AGBL1: variants seen among roughly 807,000 people sequenced by gnomAD.
AGBL1 encodes the protein AGBL carboxypeptidase 1.
AGBL1 carries 130 observed loss-of-function variants against 118.9 expected under a neutral mutation model. The observed-to-expected ratio is 1.09, with a 90% CI of 0.95 to 1.26. The LOEUF (loss-of-function observed/expected upper bound fraction) is 1.26. Among genes scored for constraint, AGBL1 ranks in the 50% most tolerant of loss-of-function variants. The pLI is 0.00. For missense variants in AGBL1, 1,584 were observed against 1,298.1 expected (o/e 1.22, Z -3.38); for synonymous variants, 555 against 478.9 (o/e 1.16, Z -2.08).
At chr15:86,981,740 C>T (rs1175354770) in intron 23 of AGBL1, among the ~76,000 whole-genome samples, 7 of 152,076 alleles carry the variant, frequency 4.6e-5, no homozygotes, top group Non-Finnish European at 1.0e-4. Context: ...AATATCTCCC[C>T]GTTAAGCCAG....
intron 21 of AGBL1, among the ~76,000 whole-genome samples, chr15:86,634,072 G>T (rs1252706930): frequency 6.6e-6 from 1 of 151,972 alleles, no homozygotes. Flanking sequence ...GCTAGTATTG[G>T]CAAGGACGTG....
At chr15:86,926,855 C>T (rs755308219) in intron 23 of AGBL1, among the ~76,000 whole-genome samples, 2 of 152,156 alleles carry the variant, frequency 1.3e-5, no homozygotes, top group Non-Finnish European at 2.9e-5. Context: ...AAAATCTCCA[C>T]TCAGGCCAGG....
chr15:86,745,428 A>C (rs887758135), intron 22 of AGBL1, among the ~76,000 whole-genome samples: 2 of 152,032 alleles, frequency 1.3e-5, no homozygotes, highest in Non-Finnish European at 2.9e-5. Flanking sequence ...TTAAACATGC[A>C]TCTATGCCAC....
chr15:86,552,720 T>A (rs1439838008), intron 20 of AGBL1, among the ~76,000 whole-genome samples: 1 of 152,110 alleles, frequency 6.6e-6, no homozygotes, highest in Non-Finnish European at 1.5e-5. Flanking sequence ...GTAATTGTAA[T>A]GAGCACTTTG....
intron 22 of AGBL1, among the ~76,000 whole-genome samples, chr15:86,739,481 A>G (rs558455409): frequency 1.1e-4 from 16 of 151,454 alleles, no homozygotes; most frequent in South Asian, 6.2e-4. Context: ...AGAGAAAAAA[A>G]AATTTTTCAC....
chr15:86,102,897 C>T (rs1896819503), intron 1 of AGBL1, among the ~76,000 whole-genome samples: 1 of 151,714 alleles, frequency 6.6e-6, no homozygotes, highest in Admixed American at 6.6e-5. Context: ...TATTGTCTTT[C>T]TATTTTTCTA....
At chr15:86,594,181 G>C (rs1009317608) in intron 21 of AGBL1, among the ~76,000 whole-genome samples, 16 of 152,142 alleles carry the variant, frequency 1.1e-4, no homozygotes, top group Admixed American at 1.3e-4. Flanking sequence ...AAAGTTCTAG[G>C]ATTACAGGAG....
intron 15 of AGBL1, among the ~76,000 whole-genome samples, chr15:86,277,690 A>G (rs1324480675): frequency 1.3e-5 from 2 of 152,244 alleles, no homozygotes; most frequent in Non-Finnish European, 1.5e-5. Context: ...GCCCATGCCA[A>G]ATAAGACCAA....
intron 6 of AGBL1, among the ~76,000 whole-genome samples, chr15:86,243,941 A>T (rs1477783093): frequency 6.6e-6 from 1 of 151,964 alleles, no homozygotes; most frequent in South Asian, 2.1e-4. Context: ...AGTCACTTGA[A>T]CTTGGGAGGC....
At chr15:86,597,481 C>A (rs909500961) in intron 21 of AGBL1, among the ~76,000 whole-genome samples, 2 of 152,120 alleles carry the variant, frequency 1.3e-5, no homozygotes, top group South Asian at 2.1e-4. Context: ...CCTTTCCCTT[C>A]ATCACCCCTA....
At chr15:86,688,158 A>G (rs1367285055) in intron 22 of AGBL1, among the ~76,000 whole-genome samples, 1 of 152,120 alleles carries the variant, frequency 6.6e-6, no homozygotes, top group Non-Finnish European at 1.5e-5. Flanking sequence ...GGGAAGGCAC[A>G]TTGCTTGGTG....
chr15:86,774,985 G>T (rs2078234259), intron 22 of AGBL1, among the ~76,000 whole-genome samples: 1 of 152,130 alleles, frequency 6.6e-6, no homozygotes, highest in Non-Finnish European at 1.5e-5. Flanking sequence ...TTGTACTTTG[G>T]GAAATGTTCA....
intron 22 of AGBL1, among the ~76,000 whole-genome samples, chr15:86,782,043 T>A (rs1032717479): frequency 1.3e-5 from 2 of 152,136 alleles, no homozygotes; most frequent in Non-Finnish European, 2.9e-5. Context: ...CATAGTCTTT[T>A]AATCTACAAA....
chr15:86,160,454 A>G (rs1397328695), intron 5 of AGBL1, among the ~76,000 whole-genome samples: 2 of 152,166 alleles, frequency 1.3e-5, no homozygotes, highest in East Asian at 1.9e-4. Context: ...GGTACATCTG[A>G]GTTCTAAGAA....
intron 1 of AGBL1, among the ~76,000 whole-genome samples, chr15:86,111,883 T>A (rs1027430765): frequency 6.6e-6 from 1 of 152,214 alleles, no homozygotes; most frequent in Admixed American, 6.5e-5. Flanking sequence ...CTCTCATTAC[T>A]GCCTAAACTC....
intron 18 of AGBL1, among the ~76,000 whole-genome samples, chr15:86,483,354 G>A (rs2142127943): frequency 6.6e-6 from 1 of 152,244 alleles, no homozygotes; most frequent in East Asian, 1.9e-4. Flanking sequence ...GTTTAAGGTG[G>A]TTGGTGTCAG....
chr15:86,759,390 A>G (rs1376494702), intron 22 of AGBL1, among the ~76,000 whole-genome samples: 2 of 152,090 alleles, frequency 1.3e-5, no homozygotes, highest in Non-Finnish European at 2.9e-5. Flanking sequence ...TCACTTGTAT[A>G]ATAGAAGTAA....
At chr15:86,418,836 CT>C (rs2081741284) in intron 18 of AGBL1, among the ~76,000 whole-genome samples, 1 of 152,206 alleles carries the variant, frequency 6.6e-6, no homozygotes, top group African/African-American at 2.4e-5. Flanking sequence ...ATGATTTAGT[CT>C]GGGGGTGTGA....
intron 17 of AGBL1, among the ~76,000 whole-genome samples, chr15:86,396,476 C>T (rs1303947099): frequency 1.3e-5 from 2 of 152,024 alleles, no homozygotes; most frequent in Non-Finnish European, 2.9e-5. Flanking sequence ...TCCTGACTCC[C>T]TTTGCAAAGT....
Sources: gnomAD v4.1 joint callset for allele counts (sites outside exome capture counted in the v4.1 genomes callset) on GRCh38, gnomAD v4.1.1 for gene constraint, MANE v1.5 for transcripts, NCBI Gene and HGNC (gene_info 2026-07-23, HGNC 2026-07-21) for gene names.